Variants in PLEK2 observed in about 807,000 individuals in gnomAD.
PLEK2 encodes the protein pleckstrin-2.
PLEK2 carries 29 observed loss-of-function variants against 43.8 expected under a neutral mutation model. The ratio of observed to expected loss-of-function variants is 0.66; its 90% CI spans 0.49 to 0.90. The LOEUF is 0.90. PLEK2 is among the 40% of genes least tolerant of loss of function. The pLI is 0.00. For synonymous variants in PLEK2, 162 were observed against 173.2 expected, an observed-to-expected ratio of 0.94 and a Z score of 0.51; for missense variants, 398 against 448.1, an observed-to-expected ratio of 0.89 and a Z score of 1.01.
chr14:67,394,327 TC>T, intron 3 of PLEK2, among the ~76,000 whole-genome samples: 1 of 151,224 alleles, frequency 6.6e-6, no homozygotes, highest in Middle Eastern at 3.4e-3. Context: ...GCCCAGGAGG[TC>T]AAGGCTGCAG....
intron 1 of PLEK2, among the ~76,000 whole-genome samples, chr14:67,404,442 G>A (rs1046292773): frequency 6.6e-6 from 1 of 152,074 alleles, no homozygotes; most frequent in Admixed American, 6.5e-5. Context: ...GGGCAACATA[G>A]TGAGACCCTG....
intron 4 of PLEK2, 127 bp from the exon 5 acceptor site, chr14:67,392,976 G>A: frequency 2.3e-6 from 2 of 869,380 alleles, no homozygotes; most frequent in Middle Eastern, 3.5e-4. Flanking sequence ...CAGACTGAAG[G>A]CCACACCTGC....
intron 2 of PLEK2, among the ~76,000 whole-genome samples, chr14:67,395,917 G>A (rs983228153): frequency 6.6e-6 from 1 of 152,104 alleles, no homozygotes; most frequent in Non-Finnish European, 1.5e-5. Flanking sequence ...AAATGCCCAG[G>A]CTTTAAAATC....
intron 7 of PLEK2, among the ~76,000 whole-genome samples, chr14:67,389,280 G>A (rs1476183178): frequency 6.6e-6 from 1 of 152,118 alleles, no homozygotes; most frequent in African/African-American, 2.4e-5. Flanking sequence ...GTTCAGAGAA[G>A]GAAGGGATCC....
At chr14:67,390,829 C>T (rs2085961267) in intron 6 of PLEK2, 83 bp from the exon 7 acceptor site, 1 of 946,556 alleles carries the variant, frequency 1.1e-6, no homozygotes, top group Non-Finnish European at 1.8e-6. Flanking sequence ...ATGCCAAACC[C>T]CCAACAAGCC....
At position 67,412,152 on chromosome 14, in the gene PLEK2, G is replaced by T; in HGVS notation, c.-93C>A. 1 of 1,163,340 alleles carries T rather than the reference G, an allele frequency of 8.6e-7. No homozygotes were observed. The highest frequency in any genetic ancestry group is 1.1e-6 in the Non-Finnish European group (1 of 885,216). The allele number at this position is 1,163,340 out of a possible 1,614,324, so 72.1% of individuals were successfully genotyped here. On this transcript the variant is annotated 5_prime_UTR_variant, in exon 1 of 9. Transcript: ENST00000216446. ...CGCAGCCCGCGCAGTCCGCGCCCAC[G>T]GCGCCCAGGAAGCAGCTCCGACGCG... is the stretch of plus-strand genomic sequence containing the variant.
At chr14:67,389,263 G>A (rs911055969) in intron 7 of PLEK2, among the ~76,000 whole-genome samples, 1 of 152,084 alleles carries the variant, frequency 6.6e-6, no homozygotes, top group African/African-American at 2.4e-5. Context: ...ATGCCAACGG[G>A]AGGAAAGTTC....
At chr14:67,388,115 A>G (rs2139833146) in intron 8 of PLEK2, 109 bp downstream of exon 8, 1 of 694,898 alleles carries the variant, frequency 1.4e-6, no homozygotes, top group Non-Finnish European at 2.6e-6. Flanking sequence ...TGTCTCATGG[A>G]GAAAGCCCTG....
At chr14:67,399,792 A>G (rs2086035743) in intron 1 of PLEK2, among the ~76,000 whole-genome samples, 2 of 152,220 alleles carry the variant, frequency 1.3e-5, no homozygotes, top group African/African-American at 4.8e-5. Flanking sequence ...GGTAGAGCCA[A>G]TGGGCAGAAT....
At position 67,411,932 on chromosome 14, in the gene PLEK2, C is replaced by A. The variant is rs1263389472; in HGVS notation, c.42+86G>T. On this transcript the variant is annotated intron_variant, in intron 1 of 8. Transcript: ENST00000216446. ...GGATGGGAACCAGAGCATGCCCGTT[C>A]CGGGGCGCGCGTCTGGCCCCGCTCT... is the stretch of plus-strand genomic sequence containing the variant. 6 of 1,265,204 alleles carry A rather than the reference C, an allele frequency of 4.7e-6. No homozygotes were observed. The South Asian group carries it at 8.2e-5, about 17-fold the overall frequency. 78.4% of individuals were successfully genotyped at this position (1,265,204 alleles called of 1,614,324 possible).
chr14:67,409,354 G>A (rs1424666235), intron 1 of PLEK2, among the ~76,000 whole-genome samples: 1 of 152,162 alleles, frequency 6.6e-6, no homozygotes, highest in Admixed American at 6.5e-5. Flanking sequence ...ACCAGCCTGG[G>A]CAACAGAGTG....
At chr14:67,411,942 C>A in intron 1 of PLEK2, 76 bp downstream of exon 1, 1 of 1,328,906 alleles carries the variant, frequency 7.5e-7, no homozygotes, top group Non-Finnish European at 1.0e-6. Flanking sequence ...CCGGGGCGCG[C>A]GTCTGGCCCC....
chr14:67,400,299 G>C (rs779852954), intron 1 of PLEK2, among the ~76,000 whole-genome samples: 1 of 152,226 alleles, frequency 6.6e-6, no homozygotes, highest in Non-Finnish European at 1.5e-5. Context: ...GTTTCCATGA[G>C]AGGGTTCATG....
At chr14:67,393,527 A>G (rs1017586545) in intron 3 of PLEK2, among the ~76,000 whole-genome samples, 4 of 151,878 alleles carry the variant, frequency 2.6e-5, no homozygotes, top group African/African-American at 2.4e-5. Context: ...GATCTCGGCT[A>G]ACTGTGACCT....
At chr14:67,394,123 G>T (rs1255728307) in intron 3 of PLEK2, among the ~76,000 whole-genome samples, 1 of 152,166 alleles carries the variant, frequency 6.6e-6, no homozygotes, top group Non-Finnish European at 1.5e-5. Flanking sequence ...AAATTTGAGA[G>T]GCAGGATTTT....
chr14:67,390,641 T>C, intron 7 of PLEK2, 22 bp downstream of exon 7: 1 of 1,551,784 alleles, frequency 6.4e-7, no homozygotes. Flanking sequence ...GGGACCAACA[T>C]GGAGCCAGCA....
intron 1 of PLEK2, among the ~76,000 whole-genome samples, chr14:67,399,804 G>A (rs759719000): frequency 2.0e-5 from 3 of 152,258 alleles, no homozygotes; most frequent in Non-Finnish European, 2.9e-5. Context: ...GGGCAGAATA[G>A]TCAGGTGAAC....
intron 1 of PLEK2, among the ~76,000 whole-genome samples, chr14:67,400,295 A>G (rs1595658977): frequency 6.6e-6 from 1 of 152,330 alleles, no homozygotes; most frequent in South Asian, 2.1e-4. Flanking sequence ...CTCTGTTTCC[A>G]TGAGAGGGTT....
chr14:67,393,426 G>T (rs1164755271), intron 3 of PLEK2, among the ~76,000 whole-genome samples, 185 bp from the exon 4 acceptor site: 1 of 152,056 alleles, frequency 6.6e-6, no homozygotes, highest in Non-Finnish European at 1.5e-5. Flanking sequence ...AAGTGAAGCC[G>T]CCATGATGAT....
Sources: gnomAD v4.1 joint callset for allele counts (sites outside exome capture counted in the v4.1 genomes callset) on GRCh38, gnomAD v4.1.1 for gene constraint, MANE v1.5 for transcripts, NCBI Gene and HGNC (gene_info 2026-07-23, HGNC 2026-07-21) for gene names.